The following ARHGEF4 variants were observed in gnomAD, a reference collection of about 807,000 sequenced individuals.
ARHGEF4 encodes the protein APC-stimulated guanine nucleotide exchange factor 1.
ARHGEF4 carries 119 observed loss-of-function variants against 162.0 expected under a neutral mutation model. The observed-to-expected ratio is 0.73, with a 90% CI of 0.63 to 0.86. The LOEUF (loss-of-function observed/expected upper bound fraction) is 0.86, where lower values mean the gene tolerates loss of function less well. ARHGEF4 is among the 40% of genes least tolerant of loss of function. The probability of loss-of-function intolerance (pLI) is 0.00; values close to 1 mark genes in which losing one functional copy is unlikely to be tolerated. For missense variants in ARHGEF4, 2,488 were observed against 2,456.0 expected, an observed-to-expected ratio of 1.01 and a Z score of -0.28; for synonymous variants, 1,014 against 979.9, an observed-to-expected ratio of 1.03 and a Z score of -0.65.
intron 1 of ARHGEF4, 152 bp downstream of exon 1, chr2:130,837,144 T>C: frequency 5.6e-6 from 4 of 716,540 alleles, no homozygotes; most frequent in Non-Finnish European, 7.7e-6. Flanking sequence ...GCTCCCAACT[T>C]TCCGACGTGC....
intron 1 of ARHGEF4, among the ~76,000 whole-genome samples, chr2:130,849,044 G>A (rs984166657): frequency 1.3e-5 from 2 of 152,120 alleles, no homozygotes; most frequent in African/African-American, 4.8e-5. Context: ...ACAGCTGTGG[G>A]GACTCCCCTG....
chr2:130,917,110 C>T lies in ARHGEF4; in HGVS notation c.3164C>T (p.Ser1055Phe). ...GIFPEKSWLASPGSPRAQQAG... is the reference protein window; with the variant it reads ...GIFPEKSWLAFPGSPRAQQAG... Reference sequence around the variant, plus strand: ...TTTCCGGAAAAGTCCTGGCTGGCGTCCCCCGGCAGCCCTCGGGCCCAGCAG... The same window carrying T: ...TTTCCGGAAAAGTCCTGGCTGGCGTTCCCCGGCAGCCCTCGGGCCCAGCAG... Residue 1055 changes from serine to phenylalanine, a missense_variant, in exon 2 of 14, where the codon TCC (serine) becomes TTC (phenylalanine). Physicochemically the swap from Ser to Phe is radical, Grantham distance 155. Coordinates refer to ENST00000409359, the MANE Select transcript of ARHGEF4 (RefSeq NM_001367493.1). 3 of 1,550,450 alleles carry T rather than the reference C, an allele frequency of 1.9e-6. No homozygotes were observed. Among genetic ancestry groups the T allele is most frequent in the South Asian group, 1.2e-5 (1 of 84,026 alleles).
At chr2:130,976,613 C>A (rs1573501705) in intron 4 of ARHGEF4, among the ~76,000 whole-genome samples, 1 of 152,126 alleles carries the variant, frequency 6.6e-6, no homozygotes. Context: ...GTGTGAAAAG[C>A]CTCACTCCAC....
At chr2:131,032,498 C>T (rs936743745) in intron 5 of ARHGEF4, among the ~76,000 whole-genome samples, 5 of 152,014 alleles carry the variant, frequency 3.3e-5, no homozygotes, top group African/African-American at 1.2e-4. Context: ...ACCTTGTACT[C>T]ATCCTCATTA....
chr2:130,855,393 TAC>T (rs1681709593), intron 1 of ARHGEF4, among the ~76,000 whole-genome samples: 1 of 152,100 alleles, frequency 6.6e-6, no homozygotes, highest in East Asian at 1.9e-4. Context: ...TATGGTTTAT[TAC>T]AGTGAAAAGA....
intron 4 of ARHGEF4, among the ~76,000 whole-genome samples, chr2:130,965,578 A>G (rs1402312189): frequency 2.0e-5 from 3 of 152,150 alleles, no homozygotes; most frequent in Non-Finnish European, 4.4e-5. Context: ...TCATACCCTA[A>G]GTGGGGCCTG....
At chr2:131,038,753 G>T in intron 5 of ARHGEF4, 100 bp from the exon 6 acceptor site, 1 of 1,348,992 alleles carries the variant, frequency 7.4e-7, no homozygotes, top group Non-Finnish European at 1.0e-6. Flanking sequence ...AAGAAGTCAG[G>T]ATCCCCTCTT....
At chr2:130,940,851 A>G (rs1273579811) in intron 3 of ARHGEF4, among the ~76,000 whole-genome samples, 2 of 35,752 alleles carry the variant, frequency 5.6e-5, no homozygotes, top group Non-Finnish European at 1.7e-4. Context: ...AAAAAAAAGA[A>G]AAAAAAAAAG....
At position 130,950,089 on chromosome 2, in the gene ARHGEF4, C is replaced by G. The variant is rs776348819; in HGVS notation, c.3985+3454C>G. Among the ~76,000 whole-genome samples the G allele has an allele frequency of 2.6e-5, 4 of 152,250 alleles. No homozygotes were observed. The South Asian group carries it at 8.3e-4, about 31-fold the overall frequency. On this transcript the variant is annotated intron_variant, in intron 4 of 13. Coordinates refer to ENST00000409359, the MANE Select transcript of ARHGEF4 (RefSeq NM_001367493.1). ...AGAGATTGTTATGGGTTCCTGTTAA[C>G]ATCCTTCAAACACAGCTGAAGGAGG...
At chr2:130,896,742 AG>A in intron 1 of ARHGEF4, among the ~76,000 whole-genome samples, 1 of 152,336 alleles carries the variant, frequency 6.6e-6, no homozygotes, top group Admixed American at 6.5e-5. Flanking sequence ...AAAGAGGACC[AG>A]GGCTGGCCTA....
chr2:130,837,065 G>A, intron 1 of ARHGEF4, 73 bp downstream of exon 1: 1 of 1,210,720 alleles, frequency 8.3e-7, no homozygotes, highest in African/African-American at 1.6e-5. Context: ...CACAGCCCGC[G>A]CTGGCTGCTG....
At chr2:130,863,748 A>G (rs1574114320) in intron 1 of ARHGEF4, among the ~76,000 whole-genome samples, 1 of 13,462 alleles carries the variant, frequency 7.4e-5, no homozygotes, top group East Asian at 1.2e-3. Context: ...AAATGAAAGC[A>G]CACATCCACA....
intron 1 of ARHGEF4, among the ~76,000 whole-genome samples, chr2:130,904,484 C>A (rs1680693265): frequency 6.6e-6 from 1 of 151,884 alleles, no homozygotes; most frequent in African/African-American, 2.4e-5. Flanking sequence ...GAAGTTGCCA[C>A]CTGAAGAGAA....
intron 4 of ARHGEF4, among the ~76,000 whole-genome samples, chr2:131,017,791 G>A (rs1391779561): frequency 2.6e-5 from 4 of 152,184 alleles, no homozygotes; most frequent in Admixed American, 2.0e-4. Flanking sequence ...AGAAATCAAA[G>A]AGGATCTAAA....
rs1174036010 is a variant in ARHGEF4, at chr2:131,039,963, G to C, written c.4306-53G>C. The C allele has an allele frequency of 2.6e-6, 4 of 1,537,282 alleles. No homozygotes were observed. The East Asian group carries it at 7.4e-5, about 28-fold the overall frequency. ...TTCCCGCCGCTGCGGCGCAGGGCGC[G>C]GGGCGTTGCTCCGAGGGATGCGGGG... is the stretch of plus-strand genomic sequence containing the variant. On this transcript the variant is annotated intron_variant, in intron 6 of 13. Coordinates refer to ENST00000409359, the MANE Select transcript of ARHGEF4 (RefSeq NM_001367493.1).
intron 3 of ARHGEF4, among the ~76,000 whole-genome samples, chr2:130,944,454 C>T (rs1254756758): frequency 2.0e-5 from 3 of 152,058 alleles, no homozygotes; most frequent in Admixed American, 6.6e-5. Flanking sequence ...GGGATTTTTT[C>T]CCCCCAACCT....
intron 1 of ARHGEF4, among the ~76,000 whole-genome samples, chr2:130,880,831 A>ATTT (rs769216855): frequency 3.4e-5 from 5 of 145,568 alleles, no homozygotes; most frequent in Non-Finnish European, 6.1e-5. Flanking sequence ...ACCCGGCCAA[A>ATTT]TTTTTTTTTT....
intron 1 of ARHGEF4, among the ~76,000 whole-genome samples, chr2:130,912,186 T>C (rs936230368): frequency 6.6e-6 from 1 of 152,242 alleles, no homozygotes; most frequent in Admixed American, 6.5e-5. Context: ...GGCGTGCTCA[T>C]GTCCATGTCT....
chr2:130,923,974 G>A (rs1476856901), intron 2 of ARHGEF4, among the ~76,000 whole-genome samples: 5 of 150,026 alleles, frequency 3.3e-5, no homozygotes, highest in Admixed American at 1.3e-4. Flanking sequence ...TCCGCCTCCC[G>A]GGTTCATGCC....
Sources: allele counts gnomAD v4.1 joint callset (sites outside exome capture counted in the v4.1 genomes callset), GRCh38; gene constraint gnomAD v4.1.1; transcripts MANE v1.5; gene names NCBI Gene and HGNC (gene_info 2026-07-23, HGNC 2026-07-21).